Variants in UGGT2 observed in about 807,000 individuals in gnomAD.
UGGT2 encodes the protein UDP-glucose glycoprotein glucosyltransferase 2, also known as UDP-glucose:glycoprotein glucosyltransferase 2.
A neutral mutation model predicts 192.1 loss-of-function variants in UGGT2; 180 were observed. That is an observed-to-expected ratio of 0.94 (90% CI 0.83 to 1.06). The LOEUF (loss-of-function observed/expected upper bound fraction) is 1.06. Ranked by LOEUF, UGGT2 falls within the 50% of genes least tolerant of loss-of-function variation. The probability of loss-of-function intolerance (pLI) is 0.00; values close to 1 mark genes in which losing one functional copy is unlikely to be tolerated. For synonymous variants in UGGT2, 580 were observed against 591.0 expected (o/e 0.98, Z 0.27); for missense variants, 1,849 against 1,795.7 (o/e 1.03, Z -0.54).
At chr13:95,983,760 G>C in intron 10 of UGGT2, 44 bp downstream of exon 10, 1 of 1,329,148 alleles carries the variant, frequency 7.5e-7, no homozygotes, top group Non-Finnish European at 1.0e-6. Flanking sequence ...CAGAAACAGT[G>C]ATATTAGTTG....
chr13:95,821,817 G>T (rs1463767890), intron 38 of UGGT2, among the ~76,000 whole-genome samples: 6 of 152,066 alleles, frequency 3.9e-5, no homozygotes, highest in Non-Finnish European at 8.8e-5. Context: ...ATTGAATAGG[G>T]TGACCTTTCC....
At chr13:95,900,543 A>G (rs1013992496) in intron 22 of UGGT2, among the ~76,000 whole-genome samples, 3 of 152,176 alleles carry the variant, frequency 2.0e-5, no homozygotes, top group Non-Finnish European at 2.9e-5. Flanking sequence ...TAATACTTAC[A>G]TTAGAACAAA....
intron 21 of UGGT2, 123 bp from the exon 22 acceptor site, chr13:95,901,061 ATAAT>A: frequency 1.3e-6 from 1 of 748,520 alleles, no homozygotes; most frequent in Non-Finnish European, 1.8e-6. Context: ...ATTATTTGGT[ATAAT>A]TTTCTTTGAA....
intron 38 of UGGT2, among the ~76,000 whole-genome samples, chr13:95,810,571 A>G (rs1176225381): frequency 6.6e-6 from 1 of 152,182 alleles, no homozygotes; most frequent in Non-Finnish European, 1.5e-5. Context: ...AGTCTTTTCA[A>G]TATTTCTAGG....
At chr13:95,856,660 T>TA (rs765958853) in intron 33 of UGGT2, 57 of 423,562 alleles carry the variant, frequency 1.3e-4, no homozygotes, top group Admixed American at 3.9e-4. Context: ...AAAACTGACT[T>TA]AAAAAAAAGC....
chr13:95,928,740 A>G (rs1257004180), intron 17 of UGGT2, among the ~76,000 whole-genome samples: 1 of 151,634 alleles, frequency 6.6e-6, no homozygotes, highest in Non-Finnish European at 1.5e-5. Flanking sequence ...GGCTCCTCAC[A>G]TCCCAGATGA....
intron 38 of UGGT2, among the ~76,000 whole-genome samples, chr13:95,815,620 A>T (rs1384847772): frequency 1.3e-5 from 2 of 152,236 alleles, no homozygotes; most frequent in African/African-American, 4.8e-5. Context: ...TCAACACATT[A>T]ATCTTCACCA....
chr13:95,985,414 C>T (rs1241219785), intron 9 of UGGT2: 4 of 392,404 alleles, frequency 1.0e-5, no homozygotes, highest in African/African-American at 2.1e-5. Flanking sequence ...CAACCATGTA[C>T]TATTTATTTA....
chr13:95,827,676 C>T (rs1351191197), intron 38 of UGGT2, among the ~76,000 whole-genome samples: 1 of 152,074 alleles, frequency 6.6e-6, no homozygotes, highest in East Asian at 1.9e-4. Context: ...ATATCTCAAG[C>T]CATCCTTATA....
At chr13:95,837,449 A>G (rs1023770043) in intron 36 of UGGT2, among the ~76,000 whole-genome samples, 1 of 152,274 alleles carries the variant, frequency 6.6e-6, no homozygotes. Context: ...AGGATGAAGA[A>G]GGAGGCATAG....
intron 17 of UGGT2, among the ~76,000 whole-genome samples, chr13:95,931,721 G>A (rs536102390): frequency 7.2e-5 from 11 of 152,246 alleles, no homozygotes; most frequent in South Asian, 4.1e-4. Flanking sequence ...GGCAGCGCCC[G>A]CCGGCCTGAG....
chr13:95,827,913 C>T (rs527716930), intron 38 of UGGT2, among the ~76,000 whole-genome samples: 2 of 152,186 alleles, frequency 1.3e-5, no homozygotes, highest in South Asian at 2.1e-4. Flanking sequence ...TTTGAAGATC[C>T]CCACAAAGTA....
At chr13:95,982,128 GC>G (rs1236082728) in intron 10 of UGGT2, among the ~76,000 whole-genome samples, 2 of 152,174 alleles carry the variant, frequency 1.3e-5, no homozygotes, top group Non-Finnish European at 2.9e-5. Context: ...GGCCATAGTG[GC>G]CCTGAGTAAG....
At chr13:95,958,959 C>A (rs2050300988) in intron 12 of UGGT2, among the ~76,000 whole-genome samples, 1 of 152,210 alleles carries the variant, frequency 6.6e-6, no homozygotes, top group African/African-American at 2.4e-5. Context: ...GAGGGAGCTA[C>A]CTGGAGATTG....
At chr13:95,804,460 A>G (rs1027561190) in intron 38 of UGGT2, among the ~76,000 whole-genome samples, 1 of 152,196 alleles carries the variant, frequency 6.6e-6, no homozygotes, top group African/African-American at 2.4e-5. Context: ...AGGAAAACTC[A>G]TTCTGAAATT....
chr13:96,046,771 A>G (rs1464075070), intron 1 of UGGT2, among the ~76,000 whole-genome samples: 1 of 152,224 alleles, frequency 6.6e-6, no homozygotes, highest in East Asian at 1.9e-4. Context: ...CTCCTACCCT[A>G]ATACTGCGCT....
At chr13:95,997,379 G>GGC (rs961345018) in intron 6 of UGGT2, among the ~76,000 whole-genome samples, 1 of 152,170 alleles carries the variant, frequency 6.6e-6, no homozygotes, top group Non-Finnish European at 1.5e-5. Context: ...CAGGTGTGGT[G>GGC]GCTCACGCCT....
intron 26 of UGGT2, among the ~76,000 whole-genome samples, 175 bp from the exon 27 acceptor site, chr13:95,884,855 G>A (rs959441113): frequency 6.6e-6 from 1 of 152,124 alleles, no homozygotes; most frequent in South Asian, 2.1e-4. Context: ...ATCATTATTT[G>A]TTGACACTAC....
intron 10 of UGGT2, among the ~76,000 whole-genome samples, chr13:95,973,733 G>A (rs1420148421): frequency 6.6e-6 from 1 of 152,196 alleles, no homozygotes; most frequent in Non-Finnish European, 1.5e-5. Flanking sequence ...ACAGTGTGAA[G>A]ATCATGCTTG....
Sources: allele counts gnomAD v4.1 joint callset (sites outside exome capture counted in the v4.1 genomes callset), GRCh38; gene constraint gnomAD v4.1.1; transcripts MANE v1.5; gene names NCBI Gene and HGNC (gene_info 2026-07-23, HGNC 2026-07-21).